FBXL17: variants seen among roughly 807,000 people sequenced by gnomAD.
FBXL17 encodes F-box and leucine rich repeat protein 17, also known as F-box/LRR-repeat protein 17.
Under a neutral mutation model 66.2 loss-of-function variants are expected in FBXL17, and 22 were observed. The ratio of observed to expected loss-of-function variants is 0.33; its 90% CI spans 0.24 to 0.47. The LOEUF is 0.47. Ranked by LOEUF, FBXL17 falls within the 20% of genes least tolerant of loss-of-function variation. The probability of loss-of-function intolerance (pLI) is 1.00; values close to 1 mark genes in which losing one functional copy is unlikely to be tolerated. For missense variants in FBXL17, 878 were observed against 948.2 expected, an observed-to-expected ratio of 0.93 and a Z score of 0.97; for synonymous variants, 474 against 400.5, an observed-to-expected ratio of 1.18 and a Z score of -2.19.
At chr5:108,131,965 G>A (rs2149977217) in intron 6 of FBXL17, among the ~76,000 whole-genome samples, 1 of 148,026 alleles carries the variant, frequency 6.8e-6, no homozygotes, top group Non-Finnish European at 1.5e-5. Context: ...TATTAACCTT[G>A]ACTGAAGAAA....
At chr5:108,106,420 C>A (rs1396634327) in intron 6 of FBXL17, among the ~76,000 whole-genome samples, 1 of 151,946 alleles carries the variant, frequency 6.6e-6, no homozygotes, top group African/African-American at 2.4e-5. Flanking sequence ...AGGTATATAT[C>A]CAAGAGAAAT....
intron 5 of FBXL17, among the ~76,000 whole-genome samples, chr5:108,200,249 C>T (rs1753836591): frequency 6.6e-6 from 1 of 152,004 alleles, no homozygotes; most frequent in African/African-American, 2.4e-5. Context: ...CTAAATGCAG[C>T]CTGCAAAGTT....
chr5:108,050,371 A>G (rs561580394), intron 6 of FBXL17, among the ~76,000 whole-genome samples: 1 of 152,350 alleles, frequency 6.6e-6, no homozygotes, highest in East Asian at 1.9e-4. Flanking sequence ...ATCCTCTCAG[A>G]CCACAGTGCA....
chr5:108,035,055 T>C (rs1746788239), intron 6 of FBXL17, among the ~76,000 whole-genome samples: 1 of 152,170 alleles, frequency 6.6e-6, no homozygotes, highest in Non-Finnish European at 1.5e-5. Context: ...CCATGGAAAG[T>C]GACTCCAAAT....
intron 4 of FBXL17, among the ~76,000 whole-genome samples, chr5:108,238,827 T>A (rs1755723850): frequency 6.6e-6 from 1 of 152,184 alleles, no homozygotes; most frequent in South Asian, 2.1e-4. Flanking sequence ...TTACTTTTTA[T>A]ATATGCCATA....
intron 7 of FBXL17, among the ~76,000 whole-genome samples, chr5:107,881,696 C>A (rs1748799846): frequency 1.3e-5 from 2 of 152,162 alleles, no homozygotes; most frequent in African/African-American, 4.8e-5. Context: ...ATTAGCGCTT[C>A]TTGGGACTGT....
At chr5:108,287,995 A>C (rs1757965016) in intron 4 of FBXL17, among the ~76,000 whole-genome samples, 1 of 151,998 alleles carries the variant, frequency 6.6e-6, no homozygotes, top group African/African-American at 2.4e-5. Flanking sequence ...CCATTATACC[A>C]AGTGAACAAA....
In FBXL17 at chr5:107,902,863, T is replaced by A. The variant is rs185613394; in HGVS notation, c.1823-21684A>T. Among the ~76,000 whole-genome samples the A allele has an allele frequency of 1.4e-4, 21 of 152,218 alleles. No individual in the cohort carries two copies. The East Asian group carries it at 4.1e-3, about 29-fold the overall frequency. On this transcript the variant is annotated intron_variant, in intron 7 of 8. Transcript: ENST00000542267. ...TGCAGGCTTTTGGTTCATGTTCTAG[T>A]TGAAGTTGGTTGATAATTGATCTCC...
chr5:108,126,564 T>A (rs533622707), intron 6 of FBXL17, among the ~76,000 whole-genome samples: 8 of 151,518 alleles, frequency 5.3e-5, no homozygotes, highest in African/African-American at 1.7e-4. Flanking sequence ...TTATTTTATA[T>A]ATGTGTGTAT....
At chr5:107,980,665 T>TATATATATATATATATATATATATA (rs1363335386) in intron 7 of FBXL17, among the ~76,000 whole-genome samples, 14 of 79,104 alleles carry the variant, frequency 1.8e-4, no homozygotes, top group East Asian at 9.7e-4. Flanking sequence ...TATATATATA[T>TATATATATATATATATATATATATA]TTTTTTTTTG....
chr5:108,047,386 C>T (rs1747294389), intron 6 of FBXL17, among the ~76,000 whole-genome samples: 1 of 152,222 alleles, frequency 6.6e-6, no homozygotes, highest in African/African-American at 2.4e-5. Context: ...AGATTCTCAA[C>T]AGCCTCTCAG....
rs532223462 is a variant in FBXL17, at chr5:107,973,902, T to C, written c.1822+47023A>G. Among the ~76,000 whole-genome samples the C allele has an allele frequency of 7.2e-5, 11 of 151,856 alleles. No individual in the cohort carries two copies. The East Asian group carries it at 2.1e-3, about 29-fold the overall frequency. ...GATAGGCTCTAGTTAGACAAAATCT[T>C]ATTTAGTGATAAAGAGTAGCAACTT... On this transcript the variant is annotated intron_variant, in intron 7 of 8. Transcript: ENST00000542267.
At chr5:108,273,351 T>TAAG (rs765360240) in intron 4 of FBXL17, among the ~76,000 whole-genome samples, 1 of 143,458 alleles carries the variant, frequency 7.0e-6, no homozygotes, top group Non-Finnish European at 1.5e-5. Flanking sequence ...ATAATAAAAA[T>TAAG]AATAATAATA....
chr5:108,208,572 T>C (rs989000175), intron 5 of FBXL17, among the ~76,000 whole-genome samples: 2 of 152,208 alleles, frequency 1.3e-5, no homozygotes, highest in African/African-American at 4.8e-5. Flanking sequence ...TAGGGAGTCT[T>C]TTCCTCATTG....
intron 7 of FBXL17, among the ~76,000 whole-genome samples, chr5:108,001,619 G>C (rs535283185): frequency 6.6e-6 from 1 of 151,942 alleles, no homozygotes; most frequent in East Asian, 1.9e-4. Context: ...TCCTGCCTCA[G>C]CCTCCCAAGT....
chr5:108,340,237 T>G (rs1310567875), intron 4 of FBXL17, among the ~76,000 whole-genome samples: 1 of 150,894 alleles, frequency 6.6e-6, no homozygotes, highest in Non-Finnish European at 1.5e-5. Flanking sequence ...ATTCTTCAGA[T>G]TGAAATTATA....
At chr5:107,958,084 G>A (rs191685597) in intron 7 of FBXL17, among the ~76,000 whole-genome samples, 503 of 150,866 alleles carry the variant, frequency 3.3e-3, no homozygotes, top group Non-Finnish European at 4.1e-3. Flanking sequence ...TGAACAGCGC[G>A]ATTATTTCCC....
chr5:108,005,677 G>A (rs778395556), intron 7 of FBXL17, among the ~76,000 whole-genome samples: 3 of 152,130 alleles, frequency 2.0e-5, no homozygotes, highest in Non-Finnish European at 2.9e-5. Context: ...ATCCCTGATT[G>A]ATAAATAGCA....
At chr5:108,009,547 T>C (rs1032020539) in intron 7 of FBXL17, among the ~76,000 whole-genome samples, 3 of 151,418 alleles carry the variant, frequency 2.0e-5, no homozygotes, top group Non-Finnish European at 4.4e-5. Flanking sequence ...CTCAACACAA[T>C]TGTTTGAAAA....
Sources: allele counts gnomAD v4.1 joint callset (sites outside exome capture counted in the v4.1 genomes callset), GRCh38; gene constraint gnomAD v4.1.1; transcripts MANE v1.5; gene names NCBI Gene and HGNC (gene_info 2026-07-23, HGNC 2026-07-21).